The following EPG5 variants were observed in gnomAD, a reference collection of about 807,000 sequenced individuals.
The protein encoded by EPG5 is ectopic P granules protein 5 homolog.
Under a neutral mutation model 302.7 loss-of-function variants are expected in EPG5, and 159 were observed. The observed-to-expected ratio is 0.53, with a 90% CI of 0.46 to 0.60. EPG5 has a LOEUF of 0.60. Ranked by LOEUF, EPG5 falls within the 20% of genes least tolerant of loss-of-function variation. EPG5 has a pLI of 0.00. For missense variants in EPG5, 2,896 were observed against 3,092.4 expected (o/e 0.94, Z 1.51); for synonymous variants, 1,158 against 1,136.8 (o/e 1.02, Z -0.37).
At chr18:45,939,825 A>G in intron 9 of EPG5, 70 bp from the exon 10 acceptor site, 2 of 1,406,840 alleles carry the variant, frequency 1.4e-6, no homozygotes, top group South Asian at 2.6e-5. Context: ...TTACATTTCC[A>G]ACATTCATTT....
intron 2 of EPG5, 138 bp from the exon 3 acceptor site, chr18:45,952,781 T>C (rs1481520372): frequency 6.8e-6 from 6 of 887,538 alleles, no homozygotes; most frequent in African/African-American, 1.7e-5. Flanking sequence ...CATATTACTG[T>C]GTAGAGAACA....
At chr18:45,865,412 A>G (rs746836544) in intron 39 of EPG5, among the ~76,000 whole-genome samples, 5 of 152,180 alleles carry the variant, frequency 3.3e-5, no homozygotes. Flanking sequence ...CTTAAAGGTC[A>G]GTCTCGCCCA....
intron 25 of EPG5, among the ~76,000 whole-genome samples, chr18:45,902,950 G>A (rs1004137277): frequency 2.6e-5 from 4 of 152,212 alleles, no homozygotes; most frequent in Non-Finnish European, 4.4e-5. Flanking sequence ...TGCATATAAA[G>A]CACTGAGACA....
chr18:45,844,473 T>TG (rs2048349721), downstream of EPG5, among the ~76,000 whole-genome samples: 1 of 152,218 alleles, frequency 6.6e-6, no homozygotes, highest in African/African-American at 2.4e-5. Flanking sequence ...ATTTGATCAT[T>TG]GCACATTGTA....
intron 10 of EPG5, among the ~76,000 whole-genome samples, chr18:45,935,271 G>A (rs1317574123): frequency 6.6e-6 from 1 of 152,220 alleles, no homozygotes; most frequent in African/African-American, 2.4e-5. Context: ...GGCCGGGCGT[G>A]GTGGCTCACG....
At chr18:45,844,337 C>G (rs1349943797), downstream of EPG5, among the ~76,000 whole-genome samples, 1 of 151,870 alleles carries the variant, frequency 6.6e-6, no homozygotes, top group Non-Finnish European at 1.5e-5. Flanking sequence ...CGAATAAGAT[C>G]TAGTATTTGC....
chr18:45,882,371 A>G lies in EPG5; in HGVS notation c.5421T>C (p.Ile1807=). 6.2e-7 allele frequency: 1 copy of G among 1,614,240 alleles called. No homozygotes were observed. Among genetic ancestry groups the G allele is most frequent in the Non-Finnish European group, 8.5e-7 (1 of 1,180,040 alleles). ...TACAGAAAAGATTAAATGGCATCAA[A>G]ATATCCTCATCTGGTTCAAGGCCCC... ...TAWGLEPDED[I]LMPFNLFCKH... The change falls in exon 31 of 44, where the codon ATT becomes ATC. Residue 1807 remains isoleucine (I), a synonymous_variant. Coordinates refer to ENST00000282041, the MANE Select transcript of EPG5 (RefSeq NM_020964.3).
the EPG5 span, chr18:45,837,469 C>T: frequency 1.4e-6 from 2 of 1,430,296 alleles, no homozygotes; most frequent in Non-Finnish European, 1.8e-6. Flanking sequence ...GCGGGCGCCT[C>T]GACCCCAGGG....
In EPG5 at chr18:45,858,076, AG is replaced by A; in HGVS notation, c.7227-9del. The A allele has an allele frequency of 6.2e-7, 1 of 1,600,720 alleles. No homozygotes were observed. Among genetic ancestry groups the A allele is most frequent in the Non-Finnish European group, 8.5e-7 (1 of 1,170,610 alleles). On this transcript the variant is annotated splice_polypyrimidine_tract_variant and intron_variant, in intron 41 of 43. Transcript: ENST00000282041. ...GCCTCTTCCTCCACGGAGCTAGGGG[AG>A]GCACCGGAGGAAAATAAAATTAGAA...
intron 29 of EPG5, among the ~76,000 whole-genome samples, chr18:45,886,358 CA>C (rs1197372567): frequency 8.5e-5 from 13 of 152,188 alleles, no homozygotes; most frequent in Non-Finnish European, 1.3e-4. Context: ...ACTATACAGA[CA>C]TGCAATGTCA....
chr18:45,947,529 C>A (rs1331256738), intron 6 of EPG5, among the ~76,000 whole-genome samples: 1 of 152,116 alleles, frequency 6.6e-6, no homozygotes, highest in African/African-American at 2.4e-5. Context: ...GCCCTTGTAT[C>A]CAAGGCAGTA....
At position 45,893,551 on chromosome 18, in the gene EPG5, TA is replaced by T. The variant is rs59916763; in HGVS notation, c.4810-3612del. Among the ~76,000 whole-genome samples the T allele has an allele frequency of 1.6e-3, 223 of 136,760 alleles. 1 individual carries two copies. In the South Asian group the frequency reaches 0.035, roughly 21 times the overall value. The allele number at this position is 136,760 out of a possible 152,430, so 89.7% of individuals were successfully genotyped here. A position where few individuals can be genotyped will look rare whatever the true frequency, so the allele number is the denominator to read the frequency against. ...CTGGGCGACAGAGTGAGACTCTGTCTAAAAAAAAAAAAAAAGTTAAGTTGGA... is the reference window on the plus strand; with the variant it reads ...CTGGGCGACAGAGTGAGACTCTGTCTAAAAAAAAAAAAAAGTTAAGTTGGA... On this transcript the variant is annotated intron_variant, in intron 27 of 43. Coordinates refer to ENST00000282041, the MANE Select transcript of EPG5 (RefSeq NM_020964.3).
the EPG5 span, among the ~76,000 whole-genome samples, chr18:45,825,179 A>AGAGGGAGGGAGGGAGGGAAGGAAGG: frequency 1.3e-5 from 1 of 79,792 alleles, no homozygotes; most frequent in Non-Finnish European, 2.5e-5. Context: ...AGGGAGGAAG[A>AGAGGGAGGGAGGGAGGGAAGGAAGG]GAGGGAGGGA....
intron 1 of EPG5, among the ~76,000 whole-genome samples, chr18:45,956,500 A>T (rs2051035866): frequency 6.6e-6 from 1 of 151,624 alleles, no homozygotes; most frequent in African/African-American, 2.4e-5. Flanking sequence ...TCTGTTGCGC[A>T]GGCTGGAGTG....
Position 45,922,453 on chromosome 18 carries a change from T to C in EPG5, c.2986A>G (p.Thr996Ala), listed in dbSNP as rs1382764849. ...PNCPAVPFSV[T>A]VPDMTESPTF... The stretch of plus-strand genomic sequence containing the variant: ...GGTGACTCTGTCATGTCAGGCACAG[T>C]GACGGAGAAGGGAACAGCTGGACAA... The change falls in exon 16 of 44, where the codon ACT becomes GCT. Residue 996 changes from threonine (T) to alanine (A), a missense_variant. Thr to Ala is a moderately conservative substitution (Grantham distance 58). Around this residue, in one of 5 missense-constraint regions of EPG5, gnomAD observed 1,390 missense variants for 1,430.0 expected, o/e 0.97. Transcript: ENST00000282041. 1 of 1,614,232 alleles carries C rather than the reference T, an allele frequency of 6.2e-7. No individual in the cohort carries two copies. Among genetic ancestry groups the C allele is most frequent in the Admixed American group, 1.7e-5 (1 of 60,034 alleles).
chr18:45,848,354 T>C lies in EPG5; in HGVS notation c.*4113A>G, dbSNP rs1234196215. The stretch of plus-strand genomic sequence containing the variant: ...AGAGGATTAAGGGCAAAGTGCCTTG[T>C]TGTTAGGCCTGTCATGAAGATGTGG... On this transcript the variant is annotated 3_prime_UTR_variant, in exon 44 of 44. Coordinates refer to ENST00000282041, the MANE Select transcript of EPG5 (RefSeq NM_020964.3). 6.6e-6 allele frequency: 1 copy of C among 152,210 alleles called. No homozygotes were observed. The highest frequency in any genetic ancestry group is 1.5e-5 in the Non-Finnish European group (1 of 68,042). The allele number at this position is 152,210 out of a possible 1,614,324, so 9.4% of individuals were successfully genotyped here. A position where few individuals can be genotyped will look rare whatever the true frequency, so the allele number is the denominator to read the frequency against.
intron 16 of EPG5, among the ~76,000 whole-genome samples, chr18:45,919,004 A>G (rs543878640): frequency 1.3e-5 from 2 of 152,368 alleles, no homozygotes; most frequent in East Asian, 3.9e-4. Context: ...GAAGCTACTT[A>G]CAATTGTAAA....
At chr18:45,912,569 T>C in intron 21 of EPG5, 113 bp from the exon 22 acceptor site, 1 of 1,093,152 alleles carries the variant, frequency 9.1e-7, no homozygotes, top group Non-Finnish European at 1.3e-6. Context: ...AATTCAATAA[T>C]ATATTTTTTA....
In EPG5 at chr18:45,967,244, C is replaced by T. The variant is rs745907547; in HGVS notation, c.-5G>A. The T allele has an allele frequency of 3.1e-4, 501 of 1,590,918 alleles. No homozygotes were observed. The highest frequency in any genetic ancestry group is 4.2e-4 in the Non-Finnish European group (486 of 1,169,210). On this transcript the variant is annotated 5_prime_UTR_variant, in exon 1 of 44. Coordinates refer to ENST00000282041, the MANE Select transcript of EPG5 (RefSeq NM_020964.3). ...GGGCTTCACCGCCTCGGCCATAGAC[C>T]CTTCCGCGGCGCCGTCACCGTTTGT...
Sources: allele counts gnomAD v4.1 joint callset (sites outside exome capture counted in the v4.1 genomes callset), GRCh38; gene constraint gnomAD v4.1.1; regional missense constraint gnomAD v4.1.1; transcripts MANE v1.5; gene names NCBI Gene and HGNC (gene_info 2026-07-23, HGNC 2026-07-21).